Variants in EML4 observed in about 807,000 individuals in gnomAD.
The protein encoded by EML4 is EMAP like 4, also known as echinoderm microtubule-associated protein-like 4.
A neutral mutation model predicts 129.0 loss-of-function variants in EML4; 72 were observed. The observed-to-expected ratio is 0.56, with a 90% CI of 0.46 to 0.68. The LOEUF (loss-of-function observed/expected upper bound fraction) is 0.68. Among genes scored for constraint, EML4 ranks in the 30% least tolerant of loss-of-function variants. The pLI is 0.00. For missense variants in EML4, 1,363 were observed against 1,190.6 expected (o/e 1.14, Z -2.13); for synonymous variants, 532 against 405.0 (o/e 1.31, Z -3.77).
At chr2:42,193,902 C>G (rs910122725) in intron 1 of EML4, among the ~76,000 whole-genome samples, 3 of 152,130 alleles carry the variant, frequency 2.0e-5, no homozygotes, top group Non-Finnish European at 4.4e-5. Flanking sequence ...CCTGTACTGT[C>G]TGGAACTCCT....
intron 1 of EML4, among the ~76,000 whole-genome samples, chr2:42,228,186 A>G (rs535254254): frequency 2.0e-5 from 3 of 151,618 alleles, no homozygotes; most frequent in Non-Finnish European, 4.4e-5. Flanking sequence ...ATGCCACTGC[A>G]CTCCAGCCTG....
chr2:42,216,378 G>A (rs1444089961), intron 1 of EML4, among the ~76,000 whole-genome samples: 1 of 151,092 alleles, frequency 6.6e-6, no homozygotes, highest in South Asian at 2.1e-4. Flanking sequence ...GAGTAGCTGG[G>A]ATTACAGGTG....
chr2:42,218,356 C>A (rs1229198054), intron 1 of EML4, among the ~76,000 whole-genome samples: 2 of 151,558 alleles, frequency 1.3e-5, no homozygotes, highest in Non-Finnish European at 2.9e-5. Flanking sequence ...TATAGTGAGC[C>A]ATATAATTAT....
At chr2:42,271,664 T>C (rs573141226) in intron 6 of EML4, among the ~76,000 whole-genome samples, 9 of 152,330 alleles carry the variant, frequency 5.9e-5, no homozygotes, top group Non-Finnish European at 1.3e-4. Context: ...TTATTGTGGT[T>C]AAAGTCTTTT....
At chr2:42,234,074 C>T (rs941774138) in intron 1 of EML4, among the ~76,000 whole-genome samples, 3 of 152,224 alleles carry the variant, frequency 2.0e-5, no homozygotes, top group African/African-American at 7.2e-5. Context: ...CTCAAAGCAG[C>T]CCAGGTTTTT....
In EML4 at chr2:42,169,640, A is replaced by C; in HGVS notation, c.25+4A>C. 1 of 1,601,612 alleles carries C rather than the reference A, an allele frequency of 6.2e-7. No homozygotes were observed. Among genetic ancestry groups the C allele is most frequent in the Non-Finnish European group, 8.5e-7 (1 of 1,174,462 alleles). ...GACGGTTTCGCCGGCAGTCTCGGTGAGTACGGCTGGGGAGTCCTGCGTCTT... is the reference window on the plus strand; with the variant it reads ...GACGGTTTCGCCGGCAGTCTCGGTGCGTACGGCTGGGGAGTCCTGCGTCTT... On this transcript the variant is annotated splice_donor_region_variant and intron_variant, in intron 1 of 22. Coordinates refer to ENST00000318522, the MANE Select transcript of EML4 (RefSeq NM_019063.5).
intron 21 of EML4, among the ~76,000 whole-genome samples, chr2:42,326,659 A>T (rs1669824886): frequency 6.6e-6 from 1 of 152,182 alleles, no homozygotes; most frequent in Non-Finnish European, 1.5e-5. Context: ...AGGTGGGCAA[A>T]TCACCTGAGT....
At chr2:42,289,432 A>C (rs1221909672) in intron 11 of EML4, 1 of 151,928 alleles carries the variant, frequency 6.6e-6, no homozygotes, top group East Asian at 1.9e-4. Context: ...CTATCTGCTG[A>C]GTCCCGTATC....
At chr2:42,189,887 A>G (rs1208981991) in intron 1 of EML4, among the ~76,000 whole-genome samples, 1 of 152,146 alleles carries the variant, frequency 6.6e-6, no homozygotes, top group African/African-American at 2.4e-5. Context: ...ATATAGCTAT[A>G]TGAAGACAGC....
At chr2:42,314,822 T>TA (rs1669147195) in intron 17 of EML4, among the ~76,000 whole-genome samples, 4 of 152,214 alleles carry the variant, frequency 2.6e-5, no homozygotes, top group Admixed American at 2.6e-4. Context: ...TCCCTGGTCT[T>TA]ACCACGCTCT....
At chr2:42,228,637 C>T (rs1015072645) in intron 1 of EML4, among the ~76,000 whole-genome samples, 3 of 152,180 alleles carry the variant, frequency 2.0e-5, no homozygotes, top group Non-Finnish European at 2.9e-5. Context: ...TTGCTTTTAA[C>T]AGAGAAATAA....
intron 1 of EML4, among the ~76,000 whole-genome samples, chr2:42,185,090 C>G (rs1572843331): frequency 6.6e-6 from 1 of 151,976 alleles, no homozygotes; most frequent in African/African-American, 2.4e-5. Flanking sequence ...TAATATAATA[C>G]CTGAGCATAT....
intron 1 of EML4, among the ~76,000 whole-genome samples, chr2:42,228,139 T>G (rs1431164098): frequency 6.6e-6 from 1 of 151,970 alleles, no homozygotes; most frequent in Non-Finnish European, 1.5e-5. Flanking sequence ...GAGAATTGCT[T>G]GAGCCTGGGA....
At chr2:42,308,973 G>A (rs1014290008) in intron 17 of EML4, among the ~76,000 whole-genome samples, 3 of 152,170 alleles carry the variant, frequency 2.0e-5, no homozygotes, top group Non-Finnish European at 4.4e-5. Context: ...ATCAACTGAT[G>A]GACATAGGGG....
intron 1 of EML4, among the ~76,000 whole-genome samples, chr2:42,244,583 C>CT (rs1247037009): frequency 6.6e-6 from 1 of 151,990 alleles, no homozygotes. Flanking sequence ...TCATAAAAAC[C>CT]TTTTTTTAAG....
chr2:42,304,281 T>G (rs1222210864), intron 16 of EML4, among the ~76,000 whole-genome samples: 2 of 152,256 alleles, frequency 1.3e-5, no homozygotes, highest in Non-Finnish European at 2.9e-5. Context: ...GGTTGTCCCT[T>G]TCCCTCACCA....
chr2:42,187,399 CT>C (rs1671323363), intron 1 of EML4, among the ~76,000 whole-genome samples: 1 of 152,028 alleles, frequency 6.6e-6, no homozygotes, highest in African/African-American at 2.4e-5. Context: ...AATCTGTGGT[CT>C]TTTTTGTGCT....
At chr2:42,252,542 A>G (rs1675847667) in intron 2 of EML4, among the ~76,000 whole-genome samples, 1 of 152,018 alleles carries the variant, frequency 6.6e-6, no homozygotes, top group African/African-American at 2.4e-5. Flanking sequence ...TTTATTCTTT[A>G]TAGATAAAGT....
chr2:42,252,967 T>C (rs1675879709), intron 2 of EML4, among the ~76,000 whole-genome samples: 1 of 152,172 alleles, frequency 6.6e-6, no homozygotes, highest in African/African-American at 2.4e-5. Context: ...TTGATGTCAG[T>C]AACTGCCTTA....
Sources: allele counts gnomAD v4.1 joint callset (sites outside exome capture counted in the v4.1 genomes callset), GRCh38; gene constraint gnomAD v4.1.1; transcripts MANE v1.5; gene names NCBI Gene and HGNC (gene_info 2026-07-23, HGNC 2026-07-21).